The following BMPER variants were observed in gnomAD, a reference collection of about 807,000 sequenced individuals.
The protein encoded by BMPER is BMP binding endothelial regulator, also known as BMP-binding endothelial regulator protein.
In BMPER, 45 loss-of-function variants were observed where a neutral mutation model predicts 87.3. The observed-to-expected ratio is 0.52, with a 90% CI of 0.41 to 0.66. The LOEUF is 0.66. Among genes scored for constraint, BMPER ranks in the 30% least tolerant of loss-of-function variants. The pLI is 0.00. For synonymous variants in BMPER, 326 were observed against 316.2 expected, an observed-to-expected ratio of 1.03 and a Z score of -0.33; for missense variants, 784 against 867.5, an observed-to-expected ratio of 0.90 and a Z score of 1.21.
chr7:33,998,204 A>T (rs530200699), intron 6 of BMPER, among the ~76,000 whole-genome samples: 1 of 152,376 alleles, frequency 6.6e-6, no homozygotes, highest in Non-Finnish European at 1.5e-5. Flanking sequence ...CACAGTATTT[A>T]TCAACAGTTG....
At chr7:34,153,051 C>T (rs972434724) in intron 14 of BMPER, 41 bp from the exon 15 acceptor site, 3 of 1,610,278 alleles carry the variant, frequency 1.9e-6, no homozygotes, top group Non-Finnish European at 2.5e-6. Context: ...ATTAATGGGG[C>T]CTTTCTCCAT....
intron 2 of BMPER, among the ~76,000 whole-genome samples, chr7:33,935,080 G>T (rs1784571013): frequency 6.6e-6 from 1 of 152,138 alleles, no homozygotes; most frequent in Admixed American, 6.5e-5. Context: ...TCTTTATTTT[G>T]AATGGTGACC....
intron 6 of BMPER, among the ~76,000 whole-genome samples, chr7:33,975,413 A>C (rs1785660505): frequency 6.6e-6 from 1 of 152,214 alleles, no homozygotes; most frequent in Non-Finnish European, 1.5e-5. Flanking sequence ...CAGTGAGACA[A>C]AGTCACAGGC....
intron 13 of BMPER, among the ~76,000 whole-genome samples, chr7:34,118,994 ACTGTCTCTCT>A (rs1417562511): frequency 4.2e-4 from 37 of 89,138 alleles, no homozygotes; most frequent in Admixed American, 1.7e-3. Flanking sequence ...TCTCTCTCTC[ACTGTCTCTCT>A]CTCTCTCTCT....
chr7:34,017,786 G>T (rs891070239), intron 6 of BMPER, among the ~76,000 whole-genome samples: 1 of 151,804 alleles, frequency 6.6e-6, no homozygotes, highest in African/African-American at 2.4e-5. Context: ...TGAGGCTGCT[G>T]GTCCATGCTT....
At chr7:33,962,596 T>TC (rs1344921743) in intron 3 of BMPER, among the ~76,000 whole-genome samples, 1 of 152,102 alleles carries the variant, frequency 6.6e-6, no homozygotes, top group Non-Finnish European at 1.5e-5. Context: ...TTGCCCAGAG[T>TC]CCCCTGGGTA....
intron 6 of BMPER, among the ~76,000 whole-genome samples, chr7:34,031,882 CCATATA>C (rs1315353480): frequency 2.7e-4 from 17 of 64,144 alleles, no homozygotes; most frequent in African/African-American, 1.1e-3. Context: ...ATTAATTTGA[CCATATA>C]TATATATATA....
intron 13 of BMPER, among the ~76,000 whole-genome samples, chr7:34,141,232 G>GGCAGT (rs1274540408): frequency 1.4e-3 from 77 of 55,532 alleles, no homozygotes; most frequent in African/African-American, 3.3e-3. Flanking sequence ...CCAGTGTAAA[G>GGCAGT]ACTGTGTTTA....
intron 13 of BMPER, among the ~76,000 whole-genome samples, chr7:34,087,176 C>G (rs1183248556): frequency 6.6e-6 from 1 of 152,120 alleles, no homozygotes; most frequent in Non-Finnish European, 1.5e-5. Context: ...GCTGTATGTG[C>G]CAAACCATTT....
rs1334028222 is a variant in BMPER, at chr7:34,154,494, C to T, written c.*1221C>T. ...TCAATAAAGGGCTTAAGATGTAAAA[C>T]AATGCATTTTCTCTCTCAAGATGTC... On this transcript the variant is annotated 3_prime_UTR_variant, in exon 15 of 15. Transcript: ENST00000649409. 1 of 152,178 alleles carries T rather than the reference C, an allele frequency of 6.6e-6. No homozygotes were observed. Among genetic ancestry groups the T allele is most frequent in the Non-Finnish European group, 1.5e-5 (1 of 68,024 alleles). 9.4% of individuals were successfully genotyped at this position (152,178 alleles called of 1,614,324 possible).
At chr7:34,010,486 A>G (rs759711123) in intron 6 of BMPER, among the ~76,000 whole-genome samples, 4 of 151,954 alleles carry the variant, frequency 2.6e-5, no homozygotes, top group Non-Finnish European at 4.4e-5. Flanking sequence ...CCCTAATTAT[A>G]TGCAACTTTG....
intron 6 of BMPER, among the ~76,000 whole-genome samples, chr7:34,020,685 A>G (rs1210712054): frequency 6.6e-6 from 1 of 152,126 alleles, no homozygotes; most frequent in Middle Eastern, 3.4e-3. Context: ...TTTGAAGAGC[A>G]GGATGACTGG....
intron 3 of BMPER, chr7:33,940,061 T>C (rs925942567): frequency 9.3e-6 from 2 of 215,076 alleles, no homozygotes; most frequent in African/African-American, 4.6e-5. Context: ...CTTATGCTCA[T>C]AGGAGAAGCC....
intron 13 of BMPER, among the ~76,000 whole-genome samples, chr7:34,125,441 T>C (rs1562759458): frequency 6.6e-6 from 1 of 152,226 alleles, no homozygotes; most frequent in Admixed American, 6.5e-5. Flanking sequence ...CATTGTAATA[T>C]TGATCATATG....
chr7:33,943,056 A>C (rs1007071390), intron 3 of BMPER, among the ~76,000 whole-genome samples: 21 of 152,100 alleles, frequency 1.4e-4, no homozygotes, highest in Admixed American at 1.1e-3. Flanking sequence ...TCCTTGGCAC[A>C]ATCATGTTTA....
At chr7:34,133,629 G>A (rs193059897) in intron 13 of BMPER, among the ~76,000 whole-genome samples, 4 of 152,268 alleles carry the variant, frequency 2.6e-5, no homozygotes, top group African/African-American at 9.6e-5. Flanking sequence ...AAACCGGTTG[G>A]TCAGAAGCAC....
At chr7:34,028,238 TAAAGA>T (rs943117918) in intron 6 of BMPER, among the ~76,000 whole-genome samples, 7 of 152,058 alleles carry the variant, frequency 4.6e-5, no homozygotes, top group African/African-American at 1.4e-4. Flanking sequence ...AGTGAGACAT[TAAAGA>T]AATTTGCAAA....
At chr7:34,149,134 C>T (rs190505667) in intron 14 of BMPER, among the ~76,000 whole-genome samples, 163 of 152,222 alleles carry the variant, frequency 1.1e-3, no homozygotes, top group Admixed American at 2.4e-3. Context: ...CAGGCCTCAT[C>T]GATACACTCT....
At chr7:34,091,632 C>A (rs955565102) in intron 13 of BMPER, among the ~76,000 whole-genome samples, 1 of 152,214 alleles carries the variant, frequency 6.6e-6, no homozygotes, top group South Asian at 2.1e-4. Flanking sequence ...TCATGTCATT[C>A]TCCTGCCTCC....
Sources: allele counts gnomAD v4.1 joint callset (sites outside exome capture counted in the v4.1 genomes callset), GRCh38; gene constraint gnomAD v4.1.1; transcripts MANE v1.5; gene names NCBI Gene and HGNC (gene_info 2026-07-23, HGNC 2026-07-21).